The following GABRG3 variants were observed in gnomAD, a reference collection of about 807,000 sequenced individuals.
GABRG3 encodes gamma-aminobutyric acid receptor subunit gamma-3.
Under a neutral mutation model 48.8 loss-of-function variants are expected in GABRG3, and 25 were observed. The observed-to-expected ratio is 0.51, with a 90% CI of 0.37 to 0.72. The LOEUF (loss-of-function observed/expected upper bound fraction) is 0.72. GABRG3 is among the 30% of genes least tolerant of loss of function. The pLI is 0.00. For missense variants in GABRG3, 394 were observed against 577.9 expected (o/e 0.68, Z 3.26); for synonymous variants, 227 against 217.6 (o/e 1.04, Z -0.38).
At chr15:27,213,088 A>G (rs530443629) in intron 3 of GABRG3, among the ~76,000 whole-genome samples, 2 of 152,212 alleles carry the variant, frequency 1.3e-5, no homozygotes, top group African/African-American at 4.8e-5. Context: ...AAGAAAATGC[A>G]TTTGGGCCAA....
chr15:27,431,056 T>G (rs1475940856), intron 5 of GABRG3, among the ~76,000 whole-genome samples: 1 of 151,662 alleles, frequency 6.6e-6, no homozygotes, highest in Non-Finnish European at 1.5e-5. Context: ...GTATAAGGGT[T>G]TATTTCTAGA....
At chr15:27,376,150 C>A (rs1008183210) in intron 5 of GABRG3, among the ~76,000 whole-genome samples, 4 of 152,226 alleles carry the variant, frequency 2.6e-5, no homozygotes, top group African/African-American at 9.6e-5. Flanking sequence ...CCTTAAAGCT[C>A]CAAAATAATC....
intron 3 of GABRG3, among the ~76,000 whole-genome samples, chr15:27,176,320 T>C (rs1219254397): frequency 6.6e-6 from 1 of 152,218 alleles, no homozygotes; most frequent in Non-Finnish European, 1.5e-5. Flanking sequence ...GGGGCTATTG[T>C]GCTTATTAGC....
At chr15:27,393,712 T>C (rs1887217381) in intron 5 of GABRG3, among the ~76,000 whole-genome samples, 2 of 152,174 alleles carry the variant, frequency 1.3e-5, no homozygotes, top group African/African-American at 2.4e-5. Context: ...GAAGCTGCAA[T>C]TCATTCTTGA....
intron 3 of GABRG3, among the ~76,000 whole-genome samples, chr15:27,037,671 C>T (rs1896202621): frequency 1.3e-5 from 2 of 152,134 alleles, no homozygotes; most frequent in African/African-American, 2.4e-5. Context: ...TTTACTGGGG[C>T]CCATTGGATG....
intron 3 of GABRG3, among the ~76,000 whole-genome samples, chr15:27,298,345 C>T (rs913619756): frequency 9.9e-5 from 15 of 152,012 alleles, no homozygotes; most frequent in African/African-American, 3.4e-4. Context: ...AAATCAAGGA[C>T]GTGCCTGGGA....
At chr15:27,035,754 G>A (rs1051527289) in intron 3 of GABRG3, among the ~76,000 whole-genome samples, 1 of 152,196 alleles carries the variant, frequency 6.6e-6, no homozygotes, top group African/African-American at 2.4e-5. Flanking sequence ...CACTGTTATG[G>A]GCCCTATGGT....
At chr15:27,237,023 C>T (rs1889994251) in intron 3 of GABRG3, among the ~76,000 whole-genome samples, 1 of 152,196 alleles carries the variant, frequency 6.6e-6, no homozygotes, top group Admixed American at 6.5e-5. Context: ...CCAAATGGAT[C>T]GACCTTGCGA....
intron 5 of GABRG3, among the ~76,000 whole-genome samples, chr15:27,396,167 ACTTACTAAAGT>A (rs1413479543): frequency 6.6e-6 from 1 of 152,200 alleles, no homozygotes; most frequent in Admixed American, 6.5e-5. Flanking sequence ...GTGAGCCTGT[ACTTACTAAAGT>A]CTTTTGCTCT....
chr15:27,438,652 G>C (rs555232706), intron 5 of GABRG3, among the ~76,000 whole-genome samples: 1 of 152,166 alleles, frequency 6.6e-6, no homozygotes, highest in African/African-American at 2.4e-5. Context: ...CTGCTCCTCC[G>C]GGTGTCCTTC....
At chr15:27,369,969 C>T (rs1427361893) in intron 5 of GABRG3, among the ~76,000 whole-genome samples, 1 of 152,062 alleles carries the variant, frequency 6.6e-6, no homozygotes, top group African/African-American at 2.4e-5. Flanking sequence ...TTATGTGAGG[C>T]CATCAGTTCC....
intron 5 of GABRG3, among the ~76,000 whole-genome samples, chr15:27,387,256 T>A (rs1595719394): frequency 6.6e-6 from 1 of 151,386 alleles, no homozygotes; most frequent in African/African-American, 2.4e-5. Flanking sequence ...AATTCACGTT[T>A]TTTTTTTTAT....
intron 3 of GABRG3, among the ~76,000 whole-genome samples, chr15:27,099,107 A>G (rs1004508450): frequency 2.6e-5 from 4 of 152,220 alleles, no homozygotes; most frequent in Non-Finnish European, 4.4e-5. Flanking sequence ...GATGAATGAG[A>G]TGTTGTAATT....
intron 2 of GABRG3, among the ~76,000 whole-genome samples, chr15:27,022,047 C>G (rs925595733): frequency 2.6e-5 from 4 of 152,128 alleles, no homozygotes; most frequent in African/African-American, 9.7e-5. Context: ...CCTTCCTGCC[C>G]TGCCACCTTC....
At position 27,532,836 on chromosome 15, in the gene GABRG3, C is replaced by T. The variant is rs1891460860; in HGVS notation, c.1359C>T (p.Phe453=). ...CCCGGGTCTTTTTCCCCACGTCCTTCCTGCTCTTTAACCTGGTCTACTGGG... is the reference window on the plus strand; with the variant it reads ...CCCGGGTCTTTTTCCCCACGTCCTTTCTGCTCTTTAACCTGGTCTACTGGG... ...SYSRVFFPTS[F]LLFNLVYWVG... is the part of the protein sequence containing the mutation. The change falls in exon 10 of 10, where the codon TTC becomes TTT. Residue 453 remains phenylalanine, a synonymous_variant. Transcript: ENST00000615808. 1.2e-6 allele frequency: 2 copies of T among 1,613,898 alleles called. No homozygotes were observed. Among genetic ancestry groups the T allele is most frequent in the African/African-American group, 2.7e-5 (2 of 74,924 alleles).
chr15:27,330,232 T>C (rs1893759073), intron 5 of GABRG3, among the ~76,000 whole-genome samples: 1 of 152,064 alleles, frequency 6.6e-6, no homozygotes, highest in Non-Finnish European at 1.5e-5. Context: ...AGAGGGAGAC[T>C]CTGTCTCAAA....
rs180974629 is a variant in GABRG3 at position 27,536,439 on chromosome 15, A to G, written c.*3558A>G. On this transcript the variant is annotated 3_prime_UTR_variant, in exon 10 of 10. Transcript: ENST00000615808. Reference sequence around the variant, plus strand: ...GATTTTCCATTTCCTGCAGTTAGCTATATTTCATGCCAAGTTTTATTTATC... The same window carrying G: ...GATTTTCCATTTCCTGCAGTTAGCTGTATTTCATGCCAAGTTTTATTTATC... The G allele has an allele frequency of 6.6e-6, 1 of 152,232 alleles. No individual in the cohort carries two copies. Among genetic ancestry groups the G allele is most frequent in the Non-Finnish European group, 1.5e-5 (1 of 68,034 alleles). 9.4% of individuals were successfully genotyped at this position (152,232 alleles called of 1,614,324 possible). A position where few individuals can be genotyped will look rare whatever the true frequency, so the allele number is the denominator to read the frequency against.
intron 5 of GABRG3, among the ~76,000 whole-genome samples, chr15:27,354,962 G>C (rs1305495984): frequency 6.6e-6 from 1 of 152,174 alleles, no homozygotes; most frequent in Non-Finnish European, 1.5e-5. Context: ...TGTGTGATAT[G>C]TGCTTTCTGG....
intron 3 of GABRG3, among the ~76,000 whole-genome samples, chr15:27,036,151 A>G (rs1481994341): frequency 6.6e-6 from 1 of 152,212 alleles, no homozygotes; most frequent in Admixed American, 6.5e-5. Context: ...ACAAATATGC[A>G]CACTGTTATT....
Sources: allele counts gnomAD v4.1 joint callset (sites outside exome capture counted in the v4.1 genomes callset), GRCh38; gene constraint gnomAD v4.1.1; transcripts MANE v1.5; gene names NCBI Gene and HGNC (gene_info 2026-07-23, HGNC 2026-07-21).